The following ARAP3 variants were observed in gnomAD, a reference collection of about 807,000 sequenced individuals.
ARAP3 encodes ArfGAP with RhoGAP domain, ankyrin repeat and PH domain 3.
ARAP3 carries 82 observed loss-of-function variants against 169.2 expected under a neutral mutation model. That is an observed-to-expected ratio of 0.48 (90% CI 0.41 to 0.58). The LOEUF is 0.58. Among genes scored for constraint, ARAP3 ranks in the 20% least tolerant of loss-of-function variants. The pLI, the probability that ARAP3 is intolerant of heterozygous loss-of-function variation, is 0.00. For missense variants in ARAP3, 1,764 were observed against 2,018.0 expected (o/e 0.87, Z 2.41); for synonymous variants, 791 against 800.3 (o/e 0.99, Z 0.20).
rs2099912782 is a variant in ARAP3 at position 141,680,228 on chromosome 5, G to T, written c.259C>A (p.Pro87Thr). The T allele has an allele frequency of 6.2e-7, 1 of 1,613,766 alleles. No individual in the cohort carries two copies. Among genetic ancestry groups the T allele is most frequent in the Admixed American group, 1.7e-5 (1 of 59,986 alleles). The change falls in exon 2 of 33, where the codon CCG becomes ACG. Residue 87 changes from proline to threonine, a missense_variant. By Grantham distance (38) the Pro-to-Thr change is conservative. Transcript: ENST00000239440. ...ACGGGCTTAGGGGGCTGGGCTTGCG[G>T]GGCTGGGCTGGGGGATGGTTCCATG... Reference protein sequence around the residue: ...SAMEPSPSPAPQAQPPKPVPK... With the variant: ...SAMEPSPSPATQAQPPKPVPK...
rs759873437 is a variant in ARAP3 at position 141,661,768 on chromosome 5, C to A, written c.3035G>T (p.Arg1012Leu). The A allele has an allele frequency of 1.9e-6, 3 of 1,614,172 alleles. No homozygotes were observed. Among genetic ancestry groups the A allele is most frequent in the Non-Finnish European group, 2.5e-6 (3 of 1,180,046 alleles). The change falls in exon 21 of 33, where the codon CGC becomes CTC. Residue 1012 changes from arginine (R) to leucine (L), a missense_variant. Around this residue, in one of 3 missense-constraint regions of ARAP3, gnomAD observed 1,112 missense variants for 1,285.7 expected, o/e 0.86. Coordinates refer to ENST00000239440, the MANE Select transcript of ARAP3 (RefSeq NM_022481.6). Reference protein sequence around the residue: ...EAAELPQKNQRLEKYKDVIGC... With the variant: ...EAAELPQKNQLLEKYKDVIGC... ...AATCACATCTTTATATTTCTCCAGGCGCTGATTCTTCTGGGGCAGCTCTGG... is the reference window on the plus strand; with the variant it reads ...AATCACATCTTTATATTTCTCCAGGAGCTGATTCTTCTGGGGCAGCTCTGG...
Position 141,671,660 on chromosome 5 carries a change from G to A in ARAP3, c.1764C>T (p.Gly588=), listed in dbSNP as rs374261057. 3.7e-6 allele frequency: 6 copies of A among 1,613,762 alleles called. No individual in the cohort carries two copies. The highest frequency in any genetic ancestry group is 1.7e-5 in the Admixed American group (1 of 59,954). Residue 588 remains glycine, a synonymous_variant, in exon 12 of 33, where the codon GGC becomes GGT. Transcript: ENST00000239440. The surrounding 1 kb of genome is among the most constrained non-coding windows in gnomAD (Gnocchi z 4.9). ...GEGLHPDATP[G]PRGEFISRKY... ...TTCGGGAGATGAACTCTCCCCGGGGGCCAGGGGTCGCATCTGGATGTAGTC... is the reference window on the plus strand; with the variant it reads ...TTCGGGAGATGAACTCTCCCCGGGGACCAGGGGTCGCATCTGGATGTAGTC...
rs148377698 is a variant in ARAP3 at position 141,655,913 on chromosome 5, C to T, written c.3928G>A (p.Glu1310Lys). Residue 1310 changes from glutamate (E) to lysine (K), a missense_variant, in exon 30 of 33, where the codon GAG becomes AAG. Coordinates refer to ENST00000239440, the MANE Select transcript of ARAP3 (RefSeq NM_022481.6). ...GTGGTCCAATCCCACATTTCATCCT[C>T]GTCAGTGCAGGACAAGTAGCTGGGG... ...KMHLYLSCTD[E>K]DEMWDWTTSI... 8.0e-5 allele frequency: 129 copies of T among 1,613,978 alleles called. No homozygotes were observed. In the African/African-American group the frequency reaches 1.3e-3, roughly 16 times the overall value.
Position 141,673,119 on chromosome 5 carries a change from C to T in ARAP3, c.987G>A (p.Lys329=). The part of the protein sequence containing the change: ...YFGSDKDPFP[K]GVIPLTAIEM... ...CAATGGCAGTCAAAGGTATCACACC[C>T]TTAGGGAAGGGGTCCTGGAGAGAGA... The change falls in exon 7 of 33, where the codon AAG becomes AAA. Residue 329 remains lysine, a synonymous_variant. Coordinates refer to ENST00000239440, the MANE Select transcript of ARAP3 (RefSeq NM_022481.6). 6.2e-7 allele frequency: 1 copy of T among 1,614,168 alleles called. No homozygotes were observed. Among genetic ancestry groups the T allele is most frequent in the African/African-American group, 1.3e-5 (1 of 75,026 alleles).
intron 18 of ARAP3, 104 bp from the exon 19 acceptor site, chr5:141,665,189 A>T: frequency 6.4e-7 from 1 of 1,555,968 alleles, no homozygotes; most frequent in East Asian, 2.3e-5. Flanking sequence ...ACCCAACCCA[A>T]ATCATCCTGG....
rs1192771403 is a variant in ARAP3 at position 141,656,002 on chromosome 5, GGAAGA to G, written c.3908+57_3908+61del. The G allele has an allele frequency of 5.0e-6, 8 of 1,613,736 alleles. No individual in the cohort carries two copies. The East Asian group carries it at 1.6e-4, about 31-fold the overall frequency. On this transcript the variant is annotated intron_variant, in intron 29 of 32. Transcript: ENST00000239440. ...CTATAGGAATGGAGCATACAAAGAG[GGAAGA>G]GAAAAGACAGGGTGCAGAGGTGGGC...
chr5:141,661,833 A>C lies in ARAP3; in HGVS notation c.3014-44T>G, dbSNP rs753673643. Reference sequence around the variant, plus strand: ...AGGGTTGGGGAGGACCCGGGAAGAAAGAGTGGCAGCTGGTACAGAGGGAGG... The same window carrying C: ...AGGGTTGGGGAGGACCCGGGAAGAACGAGTGGCAGCTGGTACAGAGGGAGG... On this transcript the variant is annotated intron_variant, in intron 20 of 32. Coordinates refer to ENST00000239440, the MANE Select transcript of ARAP3 (RefSeq NM_022481.6). The C allele has an allele frequency of 8.7e-6, 14 of 1,600,676 alleles. No homozygotes were observed. The South Asian group carries it at 1.4e-4, about 16-fold the overall frequency.
In ARAP3 at chr5:141,653,654, C is replaced by T. The variant is rs1189077482; in HGVS notation, c.*296G>A. 14 of 292,920 alleles carry T rather than the reference C, an allele frequency of 4.8e-5. No homozygotes were observed. The highest frequency in any genetic ancestry group is 7.5e-5 in the Non-Finnish European group (12 of 159,676). The allele number at this position is 292,920 out of a possible 1,614,324, so 18.1% of individuals were successfully genotyped here. On this transcript the variant is annotated 3_prime_UTR_variant, in exon 33 of 33. Coordinates refer to ENST00000239440, the MANE Select transcript of ARAP3 (RefSeq NM_022481.6). ...ACGTATCAAATATATAAAGCAGGAG[C>T]TGCCCTTGTTCAGGGATAATATGTG...
At position 141,662,095 on chromosome 5, in the gene ARAP3, G is replaced by A. The variant is rs139415107; in HGVS notation, c.2961C>T (p.Leu987=). 1,793 of 1,614,160 alleles carry A rather than the reference G, an allele frequency of 1.1e-3. 19 individuals carry two copies. The African/African-American group carries it at 0.021, about 19-fold the overall frequency. ...ACCGTGCAGAGGTCACAGGGTCATC[G>A]AGCTCACGAAAGAAGCGTTTGAGTG... is the stretch of plus-strand genomic sequence containing the variant. The part of the protein sequence containing the change: ...TDTLKRFFRE[L]DDPVTSARLL... The change falls in exon 20 of 33, where the codon CTC becomes CTT. Residue 987 remains leucine (L), a synonymous_variant. Transcript: ENST00000239440.
intron 4 of ARAP3, among the ~76,000 whole-genome samples, chr5:141,675,940 A>G (rs1056805365): frequency 6.6e-5 from 10 of 152,014 alleles, no homozygotes; most frequent in African/African-American, 2.4e-4. Flanking sequence ...CTGTGCCCTT[A>G]ATCCTATTCC....
intron 32 of ARAP3, 114 bp from the exon 33 acceptor site, chr5:141,654,549 G>C: frequency 7.0e-7 from 1 of 1,432,262 alleles, no homozygotes; most frequent in South Asian, 1.4e-5. Context: ...TACTTGGCAT[G>C]TATGATTCTG....
At chr5:141,662,386 C>T in intron 19 of ARAP3, 131 bp from the exon 20 acceptor site, 1 of 824,140 alleles carries the variant, frequency 1.2e-6, no homozygotes, top group Non-Finnish European at 1.9e-6. Flanking sequence ...GAGATCTATG[C>T]CTCCATGTTC....
intron 4 of ARAP3, 25 bp from the exon 5 acceptor site, chr5:141,673,833 G>A (rs764431549): frequency 1.7e-5 from 28 of 1,611,640 alleles, no homozygotes; most frequent in Non-Finnish European, 2.4e-5. Flanking sequence ...GACAGGGAGG[G>A]ACACACATTA....
intron 4 of ARAP3, among the ~76,000 whole-genome samples, chr5:141,674,580 G>A (rs11958815): frequency 6.6e-6 from 1 of 152,066 alleles, no homozygotes; most frequent in African/African-American, 2.4e-5. Context: ...TCAAACAGGG[G>A]AATAGGGAGG....
In ARAP3 at chr5:141,658,491, G is replaced by A; in HGVS notation, c.3412-12C>T. 2 of 1,614,026 alleles carry A rather than the reference G, an allele frequency of 1.2e-6. No homozygotes were observed. Among genetic ancestry groups the A allele is most frequent in the South Asian group, 1.1e-5 (1 of 91,070 alleles). On this transcript the variant is annotated splice_polypyrimidine_tract_variant and intron_variant, in intron 24 of 32. Transcript: ENST00000239440. ...AGGGTTGGGGACACCTGGGGTCAGGGCAAGAGCAGAGAATTCATGCTGGTC... is the reference window on the plus strand; with the variant it reads ...AGGGTTGGGGACACCTGGGGTCAGGACAAGAGCAGAGAATTCATGCTGGTC...
intron 4 of ARAP3, among the ~76,000 whole-genome samples, chr5:141,674,378 T>G (rs954663164): frequency 6.6e-6 from 1 of 152,096 alleles, no homozygotes; most frequent in Non-Finnish European, 1.5e-5. Context: ...CCACCCTGAG[T>G]AGCTGGGACT....
chr5:141,655,603 C>T lies in ARAP3; in HGVS notation c.4110+18G>A, dbSNP rs1263932196. 3.1e-6 allele frequency: 5 copies of T among 1,613,690 alleles called. No homozygotes were observed. The highest frequency in any genetic ancestry group is 4.2e-6 in the Non-Finnish European group (5 of 1,179,978). Reference sequence around the variant, plus strand: ...CTACACGACAGGAATCGGGTTGGGGCAGGGTGGGGTGCCTTACCAGGGTCT... The same window carrying T: ...CTACACGACAGGAATCGGGTTGGGGTAGGGTGGGGTGCCTTACCAGGGTCT... On this transcript the variant is annotated intron_variant, in intron 31 of 32. Transcript: ENST00000239440.
intron 1 of ARAP3, among the ~76,000 whole-genome samples, chr5:141,681,615 GCTCT>G (rs1402926146): frequency 6.6e-6 from 1 of 151,952 alleles, no homozygotes; most frequent in African/African-American, 2.4e-5. Context: ...ACCCTGTTTT[GCTCT>G]CTGTTATTAA....
chr5:141,666,039 C>CA (rs764552450), intron 17 of ARAP3, among the ~76,000 whole-genome samples: 19,289 of 115,838 alleles, frequency 0.17, 1,679 homozygotes, highest in East Asian at 0.34. Flanking sequence ...ACTCTGTCTC[C>CA]AAAAAAAAAA....
Sources: gnomAD v4.1 joint callset for allele counts (sites outside exome capture counted in the v4.1 genomes callset) on GRCh38, gnomAD v4.1.1 for gene constraint, gnomAD v4.1.1 regional missense constraint, Gnocchi (gnomAD v3.1) non-coding constraint, MANE v1.5 for transcripts, NCBI Gene and HGNC (gene_info 2026-07-23, HGNC 2026-07-21) for gene names.